Variants in DTD1 observed in about 807,000 individuals in gnomAD.
The protein encoded by DTD1 is D-aminoacyl-tRNA deacylase 1.
In DTD1, 13 loss-of-function variants were observed where a neutral mutation model predicts 25.6. That is an observed-to-expected ratio of 0.51 (90% CI 0.33 to 0.81). The LOEUF is 0.81. Ranked by LOEUF, DTD1 falls within the 30% of genes least tolerant of loss-of-function variation. The probability of loss-of-function intolerance (pLI) is 0.02; values close to 1 mark genes in which losing one functional copy is unlikely to be tolerated. For missense variants in DTD1, 193 were observed against 266.4 expected, an observed-to-expected ratio of 0.72 and a Z score of 1.92; for synonymous variants, 110 against 103.6, an observed-to-expected ratio of 1.06 and a Z score of -0.37.
At position 18,626,634 on chromosome 20, in the gene DTD1, T is replaced by C. The variant is rs372601736; in HGVS notation, c.371-1493T>C. Among the ~76,000 whole-genome samples the C allele has an allele frequency of 7.9e-5, 12 of 152,308 alleles. No homozygotes were observed. The East Asian group carries it at 1.7e-3, about 22-fold the overall frequency. The stretch of plus-strand genomic sequence containing the variant: ...TATTTTCTCTGGTTAGTATAATTCT[T>C]TTTGGGCGCTTTACCCTTTGATCTG... On this transcript the variant is annotated intron_variant, in intron 3 of 5. Transcript: ENST00000377452.
chr20:18,708,231 T>TAAATATATATTACATATATA (rs1462362587), intron 4 of DTD1, among the ~76,000 whole-genome samples: 2 of 15,394 alleles, frequency 1.3e-4, no homozygotes. Context: ...ATATATATAT[T>TAAATATATATTACATATATA]TTATATATAT....
Position 18,763,374 on chromosome 20 carries a change from G to A in DTD1, c.*34G>A, listed in dbSNP as rs1041750799. The A allele has an allele frequency of 6.6e-6, 1 of 152,630 alleles. No homozygotes were observed. Among genetic ancestry groups the A allele is most frequent in the African/African-American group, 2.4e-5 (1 of 41,430 alleles). The allele number at this position is 152,630 out of a possible 1,614,324, so 9.5% of individuals were successfully genotyped here. On this transcript the variant is annotated 3_prime_UTR_variant, in exon 6 of 6. Transcript: ENST00000377452. ...GGTCTTTTTAGTGTGTTATCATTGG[G>A]CAGAACTGGATCCTGAAAAATTCAA...
intron 4 of DTD1, among the ~76,000 whole-genome samples, chr20:18,653,299 T>C (rs1452696340): frequency 1.3e-5 from 2 of 152,042 alleles, no homozygotes; most frequent in Non-Finnish European, 2.9e-5. Context: ...GAGGCTGCAG[T>C]GGGAGGATCA....
rs182726723 is a variant in DTD1, at chr20:18,669,606, C to T, written c.477+41373C>T. Among the ~76,000 whole-genome samples the T allele has an allele frequency of 4.6e-5, 7 of 152,212 alleles. No homozygotes were observed. The East Asian group carries it at 5.8e-4, about 13-fold the overall frequency. The stretch of plus-strand genomic sequence containing the variant: ...CAACGAGTGACCACTGTCGACTGAG[C>T]GCTTGCTCTGCTGGGCCTGCCCTTA... On this transcript the variant is annotated intron_variant, in intron 4 of 5. Coordinates refer to ENST00000377452, the MANE Select transcript of DTD1 (RefSeq NM_080820.6).
rs10632823 is a variant in DTD1, at chr20:18,744,655, A to AAAAAAAAAAAAAAAC, written c.*19+384_*19+385insAAAAAAAAAAAAAAC. On this transcript the variant is annotated intron_variant, in intron 5 of 5. Coordinates refer to ENST00000377452, the MANE Select transcript of DTD1 (RefSeq NM_080820.6). The stretch of plus-strand genomic sequence containing the variant: ...CCATCTCAAAAAAAAAAAACAAAAA[A>AAAAAAAAAAAAAAAC]CAAGTGAAAGGGGTTTCCCCTTATA... Among the ~76,000 whole-genome samples the AAAAAAAAAAAAAAAC allele has an allele frequency of 2.5e-5, 3 of 119,916 alleles. 1 individual carries two copies. The highest frequency in any genetic ancestry group is 8.9e-5 in the Admixed American group (1 of 11,278). 78.7% of individuals were successfully genotyped at this position (119,916 alleles called of 152,430 possible).
At chr20:18,711,364 C>T (rs1379659299) in intron 4 of DTD1, among the ~76,000 whole-genome samples, 1 of 152,198 alleles carries the variant, frequency 6.6e-6, no homozygotes, top group Non-Finnish European at 1.5e-5. Flanking sequence ...AGTCCTCCAG[C>T]CTCTGCCTTG....
intron 4 of DTD1, among the ~76,000 whole-genome samples, chr20:18,639,772 G>A (rs1172991153): frequency 1.3e-5 from 2 of 152,084 alleles, no homozygotes; most frequent in Non-Finnish European, 1.5e-5. Flanking sequence ...AGTGAAGCCC[G>A]GAAGCCTCAA....
chr20:18,703,107 TGCC>T (rs1464499302), intron 4 of DTD1, among the ~76,000 whole-genome samples: 5 of 152,236 alleles, frequency 3.3e-5, no homozygotes, highest in Admixed American at 6.5e-5. Context: ...GTAAATCTTC[TGCC>T]TTTTAAAAAA....
intron 4 of DTD1, among the ~76,000 whole-genome samples, chr20:18,645,176 A>G (rs2060845956): frequency 6.6e-6 from 1 of 152,178 alleles, no homozygotes; most frequent in African/African-American, 2.4e-5. Flanking sequence ...TGAATCAATC[A>G]ATCAATCACC....
At chr20:18,615,074 A>G (rs2122285100) in intron 3 of DTD1, among the ~76,000 whole-genome samples, 1 of 152,306 alleles carries the variant, frequency 6.6e-6, no homozygotes, top group South Asian at 2.1e-4. Flanking sequence ...GCATTCCAAG[A>G]TGGGAATAGA....
At chr20:18,758,413 G>C (rs1273638281) in intron 5 of DTD1, among the ~76,000 whole-genome samples, 2 of 152,018 alleles carry the variant, frequency 1.3e-5, no homozygotes, top group East Asian at 1.9e-4. Context: ...GCATTTAGTG[G>C]TATAAATTTC....
At chr20:18,741,613 A>G (rs2061278426) in intron 4 of DTD1, among the ~76,000 whole-genome samples, 1 of 152,196 alleles carries the variant, frequency 6.6e-6, no homozygotes, top group Admixed American at 6.5e-5. Flanking sequence ...GCATGAGCTC[A>G]CTAGCTATGT....
intron 4 of DTD1, among the ~76,000 whole-genome samples, chr20:18,652,817 C>T (rs1276391151): frequency 1.3e-5 from 2 of 152,126 alleles, no homozygotes; most frequent in Non-Finnish European, 2.9e-5. Context: ...TTGTAGACTG[C>T]AAAACTCTAT....
In DTD1 at chr20:18,623,939, G is replaced by A. The variant is rs185928860; in HGVS notation, c.371-4188G>A. Among the ~76,000 whole-genome samples, 4 of 147,262 alleles carry A rather than the reference G, an allele frequency of 2.7e-5. No individual in the cohort carries two copies. In the East Asian group the frequency reaches 7.8e-4, roughly 29 times the overall value. On this transcript the variant is annotated intron_variant, in intron 3 of 5. Transcript: ENST00000377452. ...AGAAAAAGAGCATGCACAATAGAGG[G>A]CATGCTACTCCAGGGACTATGGCTC... is the stretch of plus-strand genomic sequence containing the variant.
At chr20:18,613,760 T>C (rs1175871028) in intron 3 of DTD1, among the ~76,000 whole-genome samples, 2 of 152,236 alleles carry the variant, frequency 1.3e-5, no homozygotes, top group African/African-American at 4.8e-5. Flanking sequence ...AGGTGGTGGC[T>C]GCACATGTGC....
intron 4 of DTD1, among the ~76,000 whole-genome samples, chr20:18,660,002 A>G (rs2122369659): frequency 6.6e-6 from 1 of 152,206 alleles, no homozygotes; most frequent in South Asian, 2.1e-4. Context: ...GGGAGGCCGA[A>G]GTGGTGGATC....
intron 4 of DTD1, among the ~76,000 whole-genome samples, chr20:18,720,699 C>G (rs6081324): frequency 0.31 from 47,214 of 151,796 alleles, 8,138 homozygotes; most frequent in South Asian, 0.43. Context: ...ACAAAAAAAA[C>G]ATACAAAAAT....
In DTD1 at chr20:18,601,421, C is replaced by T. The variant is rs531125461; in HGVS notation, c.370+5180C>T. 1.4e-4 allele frequency among the ~76,000 whole-genome samples: 21 copies of T among 149,248 alleles called. 1 individual carries two copies. The highest frequency in any genetic ancestry group is 1.1e-3 in the South Asian group (5 of 4,706). ...GGCTGAGGCAGGAGTATCGCTTGAA[C>T]GTGGGAGGCGCAGGTTGCAGTGAGC... is the stretch of plus-strand genomic sequence containing the variant. On this transcript the variant is annotated intron_variant, in intron 3 of 5. Transcript: ENST00000377452.
At chr20:18,708,231 T>TAAATATATA (rs1462362587) in intron 4 of DTD1, among the ~76,000 whole-genome samples, 18 of 15,386 alleles carry the variant, frequency 1.2e-3, no homozygotes, top group Non-Finnish European at 2.2e-3. Context: ...ATATATATAT[T>TAAATATATA]TTATATATAT....
Sources: gnomAD v4.1 joint callset for allele counts (sites outside exome capture counted in the v4.1 genomes callset) on GRCh38, gnomAD v4.1.1 for gene constraint, MANE v1.5 for transcripts, NCBI Gene and HGNC (gene_info 2026-07-23, HGNC 2026-07-21) for gene names.